RUNX1: variants seen among roughly 807,000 people sequenced by gnomAD.
The protein encoded by RUNX1 is runt-related transcription factor 1.
In RUNX1, 19 loss-of-function variants were observed where a neutral mutation model predicts 42.8. The ratio of observed to expected loss-of-function variants is 0.44; its 90% CI spans 0.31 to 0.65. The LOEUF (loss-of-function observed/expected upper bound fraction) is 0.65. RUNX1 is among the 30% of genes least tolerant of loss of function. RUNX1 has a pLI of 0.07. For missense variants in RUNX1, 528 were observed against 672.0 expected (o/e 0.79, Z 2.37); for synonymous variants, 271 against 289.4 (o/e 0.94, Z 0.64).
chr21:34,797,262 A>G (rs970991118), intron 8 of RUNX1, among the ~76,000 whole-genome samples: 3 of 152,160 alleles, frequency 2.0e-5, no homozygotes, highest in Non-Finnish European at 2.9e-5. Flanking sequence ...GTTTTTATCT[A>G]CTTCACACTC....
chr21:35,015,973 A>C (rs2059156385), intron 2 of RUNX1, among the ~76,000 whole-genome samples: 1 of 152,160 alleles, frequency 6.6e-6, no homozygotes, highest in Admixed American at 6.5e-5. Flanking sequence ...GTATTGGGTG[A>C]CCTTTGTTGT....
intron 2 of RUNX1, among the ~76,000 whole-genome samples, chr21:34,952,241 G>A (rs1039029495): frequency 6.6e-6 from 1 of 152,140 alleles, no homozygotes. Flanking sequence ...TGGGGGTCTA[G>A]GGGATGAATA....
At chr21:35,036,401 C>G (rs1701653598) in intron 2 of RUNX1, among the ~76,000 whole-genome samples, 1 of 152,160 alleles carries the variant, frequency 6.6e-6, no homozygotes, top group African/African-American at 2.4e-5. Context: ...TTGATCAGGG[C>G]ACTCACATGG....
At chr21:34,938,002 T>C (rs982642229) in intron 2 of RUNX1, among the ~76,000 whole-genome samples, 1 of 152,230 alleles carries the variant, frequency 6.6e-6, no homozygotes, top group Non-Finnish European at 1.5e-5. Flanking sequence ...GCTTCGATAA[T>C]GCAGGCAGTC....
chr21:34,845,548 T>G (rs1601438253), intron 6 of RUNX1, among the ~76,000 whole-genome samples: 1 of 152,288 alleles, frequency 6.6e-6, no homozygotes, highest in East Asian at 1.9e-4. Flanking sequence ...TGTTTTGAAC[T>G]TTCCTCTCCT....
At chr21:35,022,060 C>G (rs1179206832) in intron 2 of RUNX1, among the ~76,000 whole-genome samples, 1 of 152,242 alleles carries the variant, frequency 6.6e-6, no homozygotes, top group Non-Finnish European at 1.5e-5. Flanking sequence ...AAACAGTCAA[C>G]TCCAGCTTCA....
intron 2 of RUNX1, among the ~76,000 whole-genome samples, chr21:34,998,751 C>A (rs899197855): frequency 8.5e-5 from 13 of 152,230 alleles, no homozygotes; most frequent in Admixed American, 6.5e-4. Context: ...CCGAGTTAGC[C>A]AGGATGGTCT....
chr21:35,005,224 T>C (rs541044591), intron 2 of RUNX1, among the ~76,000 whole-genome samples: 45 of 152,168 alleles, frequency 3.0e-4, no homozygotes, highest in South Asian at 1.2e-3. Context: ...AAGACAGAGA[T>C]ACAGACAGAG....
intron 2 of RUNX1, among the ~76,000 whole-genome samples, chr21:34,896,201 A>G (rs1262763231): frequency 6.6e-6 from 1 of 152,168 alleles, no homozygotes; most frequent in South Asian, 2.1e-4. Context: ...CATCCTTAGA[A>G]TATCTATTGT....
chr21:35,014,321 T>C (rs1203451411), intron 2 of RUNX1, among the ~76,000 whole-genome samples: 1 of 152,186 alleles, frequency 6.6e-6, no homozygotes, highest in East Asian at 1.9e-4. Flanking sequence ...CTGCAGCAAC[T>C]GAATTAAACA....
chr21:34,900,786 C>A (rs2058171263), intron 2 of RUNX1, among the ~76,000 whole-genome samples: 1 of 152,162 alleles, frequency 6.6e-6, no homozygotes, highest in South Asian at 2.1e-4. Context: ...TCCAGCAAAA[C>A]CAGTTCCCTA....
At chr21:34,927,388 T>G (rs1361805658) in intron 2 of RUNX1, among the ~76,000 whole-genome samples, 1 of 152,110 alleles carries the variant, frequency 6.6e-6, no homozygotes, top group Non-Finnish European at 1.5e-5. Flanking sequence ...GAATTGGATT[T>G]CTCATTTGCG....
intron 2 of RUNX1, among the ~76,000 whole-genome samples, chr21:34,975,238 C>T (rs188447355): frequency 1.2e-4 from 19 of 152,332 alleles, no homozygotes; most frequent in South Asian, 2.1e-4. Context: ...TTCTGCCCTC[C>T]GGGATATTAT....
chr21:34,940,738 A>G (rs1270294390), intron 2 of RUNX1, among the ~76,000 whole-genome samples: 2 of 152,204 alleles, frequency 1.3e-5, no homozygotes, highest in Admixed American at 6.5e-5. Context: ...TCCCCACATG[A>G]GGTAAGAAGA....
At chr21:34,813,003 C>G (rs2056777232) in intron 7 of RUNX1, among the ~76,000 whole-genome samples, 2 of 152,158 alleles carry the variant, frequency 1.3e-5, no homozygotes, top group African/African-American at 2.4e-5. Context: ...CTAAGTAACT[C>G]ACATTTTTTT....
chr21:34,948,526 T>C (rs73900708), intron 2 of RUNX1, among the ~76,000 whole-genome samples: 8,383 of 152,194 alleles, frequency 0.055, 738 homozygotes, highest in African/African-American at 0.19. Flanking sequence ...GACAGGGCCA[T>C]GGCTCACAGG....
At chr21:34,957,858 G>C (rs542076637) in intron 2 of RUNX1, among the ~76,000 whole-genome samples, 189 of 152,242 alleles carry the variant, frequency 1.2e-3, no homozygotes, top group African/African-American at 4.2e-3. Context: ...ATGTAGTGTA[G>C]GCAGTTTACT....
intron 2 of RUNX1, among the ~76,000 whole-genome samples, chr21:34,914,855 T>C (rs1222481996): frequency 6.6e-6 from 1 of 152,212 alleles, no homozygotes; most frequent in Non-Finnish European, 1.5e-5. Flanking sequence ...CCTAATTGAT[T>C]TGGAACTCAA....
At chr21:34,882,873 AC>A (rs768453802) in intron 4 of RUNX1, among the ~76,000 whole-genome samples, 1 of 152,170 alleles carries the variant, frequency 6.6e-6, no homozygotes, top group Non-Finnish European at 1.5e-5. Context: ...CCCTGTGGTA[AC>A]CCAGGCTTCT....
Sources: allele counts gnomAD v4.1 joint callset (sites outside exome capture counted in the v4.1 genomes callset), GRCh38; gene constraint gnomAD v4.1.1; transcripts MANE v1.5; gene names NCBI Gene and HGNC (gene_info 2026-07-23, HGNC 2026-07-21).